Variants in PPM1E observed in about 807,000 individuals in gnomAD.
PPM1E encodes protein phosphatase, Mg2+/Mn2+ dependent 1E, also known as protein phosphatase 1E.
PPM1E carries 20 observed loss-of-function variants against 65.9 expected under a neutral mutation model. That is an observed-to-expected ratio of 0.30 (90% CI 0.21 to 0.44). The LOEUF is 0.44. Ranked by LOEUF, PPM1E falls within the 20% of genes least tolerant of loss-of-function variation. PPM1E has a pLI of 1.00. For synonymous variants in PPM1E, 352 were observed against 374.9 expected (o/e 0.94, Z 0.70); for missense variants, 713 against 953.1 (o/e 0.75, Z 3.32).
chr17:58,938,065 G>T (rs993255504), intron 1 of PPM1E, among the ~76,000 whole-genome samples: 4 of 151,930 alleles, frequency 2.6e-5, no homozygotes, highest in African/African-American at 4.8e-5. Context: ...ATTTATAGAA[G>T]GAATATATAG....
chr17:58,801,706 G>A (rs1273720999), intron 1 of PPM1E, among the ~76,000 whole-genome samples: 3 of 151,420 alleles, frequency 2.0e-5, no homozygotes, highest in Non-Finnish European at 4.4e-5. Context: ...CTCCCAAAGT[G>A]TTGGGATTAC....
chr17:58,779,504 C>T (rs1417932302), intron 1 of PPM1E, among the ~76,000 whole-genome samples: 1 of 152,034 alleles, frequency 6.6e-6, no homozygotes, highest in African/African-American at 2.4e-5. Context: ...GTATTTTATT[C>T]TTTAAAATAT....
intron 1 of PPM1E, among the ~76,000 whole-genome samples, chr17:58,809,418 G>A (rs1264297660): frequency 6.6e-6 from 1 of 151,860 alleles, no homozygotes; most frequent in East Asian, 1.9e-4. Context: ...TTTGAGATAG[G>A]GTCTTACTGT....
chr17:58,969,246 TG>T (rs2030445252), intron 3 of PPM1E, among the ~76,000 whole-genome samples: 1 of 152,098 alleles, frequency 6.6e-6, no homozygotes, highest in Non-Finnish European at 1.5e-5. Context: ...CAAATGTACG[TG>T]GGTGGTTTCC....
chr17:58,899,889 G>C lies in PPM1E; in HGVS notation c.465-55760G>C, dbSNP rs575458843. On this transcript the variant is annotated intron_variant, in intron 1 of 6. Coordinates refer to ENST00000308249, the MANE Select transcript of PPM1E (RefSeq NM_014906.5). Reference sequence around the variant, plus strand: ...TGGAAATAGCAAGATAACTAAAAGAGAGAGAATTAATAGTTCTACCCTAAA... The same window carrying C: ...TGGAAATAGCAAGATAACTAAAAGACAGAGAATTAATAGTTCTACCCTAAA... 5.3e-5 allele frequency among the ~76,000 whole-genome samples: 8 copies of C among 152,180 alleles called. No homozygotes were observed. The East Asian group carries it at 1.5e-3, about 29-fold the overall frequency.
At chr17:58,760,819 A>T (rs567087340) in intron 1 of PPM1E, among the ~76,000 whole-genome samples, 2 of 152,224 alleles carry the variant, frequency 1.3e-5, no homozygotes, top group African/African-American at 4.8e-5. Context: ...GTAATGCACT[A>T]GAAAAACTCA....
At chr17:58,782,278 T>C (rs2050057628) in intron 1 of PPM1E, among the ~76,000 whole-genome samples, 3 of 152,098 alleles carry the variant, frequency 2.0e-5, no homozygotes, top group Admixed American at 6.6e-5. Flanking sequence ...ACTTGGAAAA[T>C]TGGGAAACAT....
chr17:58,936,218 A>G (rs1325152521), intron 1 of PPM1E, among the ~76,000 whole-genome samples: 2 of 152,166 alleles, frequency 1.3e-5, no homozygotes, highest in African/African-American at 2.4e-5. Flanking sequence ...TTAATTCCAT[A>G]TAGTCCACTA....
intron 1 of PPM1E, among the ~76,000 whole-genome samples, chr17:58,816,032 T>G (rs567875210): frequency 9.9e-5 from 15 of 152,262 alleles, no homozygotes; most frequent in Middle Eastern, 3.4e-3. Flanking sequence ...TTTCTTTTTT[T>G]TTGTTTTTTT....
rs563399528 is a variant in PPM1E, at chr17:58,983,749, G to A, written c.*2718G>A. On this transcript the variant is annotated 3_prime_UTR_variant, in exon 7 of 7. Coordinates refer to ENST00000308249, the MANE Select transcript of PPM1E (RefSeq NM_014906.5). ...AAGTTCTACACTCAATCCTTAAAGAGTGGCAGTATCCCTTTTTCAATTTAA... is the reference window on the plus strand; with the variant it reads ...AAGTTCTACACTCAATCCTTAAAGAATGGCAGTATCCCTTTTTCAATTTAA... 4 of 152,648 alleles carry A rather than the reference G, an allele frequency of 2.6e-5. No individual in the cohort carries two copies. Among genetic ancestry groups the A allele is most frequent in the Non-Finnish European group, 5.9e-5 (4 of 68,036 alleles). 9.5% of individuals were successfully genotyped at this position (152,648 alleles called of 1,614,324 possible).
In PPM1E at chr17:58,882,949, T is replaced by C. The variant is rs574067263; in HGVS notation, c.465-72700T>C. Among the ~76,000 whole-genome samples, 3 of 140,548 alleles carry C rather than the reference T, an allele frequency of 2.1e-5. No homozygotes were observed. The East Asian group carries it at 6.1e-4, about 28-fold the overall frequency. 92.2% of individuals were successfully genotyped at this position (140,548 alleles called of 152,430 possible). A position where few individuals can be genotyped will look rare whatever the true frequency, so the allele number is the denominator to read the frequency against. On this transcript the variant is annotated intron_variant, in intron 1 of 6. Coordinates refer to ENST00000308249, the MANE Select transcript of PPM1E (RefSeq NM_014906.5). ...TAAGGTTTTCATTTTTGTTATTACT[T>C]TCTTTTTTTTTTTTTTTTTTTTGAG...
chr17:58,821,112 T>C (rs1032983762), intron 1 of PPM1E, among the ~76,000 whole-genome samples: 1 of 151,976 alleles, frequency 6.6e-6, no homozygotes, highest in African/African-American at 2.4e-5. Context: ...TGTTTGTTTG[T>C]TTGTTTTTGG....
chr17:58,809,991 T>G (rs2143090688), intron 1 of PPM1E, among the ~76,000 whole-genome samples: 1 of 152,308 alleles, frequency 6.6e-6, no homozygotes, highest in African/African-American at 2.4e-5. Flanking sequence ...AATATTATTT[T>G]ACCACGTAAT....
At chr17:58,865,184 C>T (rs572061116) in intron 1 of PPM1E, among the ~76,000 whole-genome samples, 113 of 151,560 alleles carry the variant, frequency 7.5e-4, no homozygotes, top group Non-Finnish European at 8.8e-4. Flanking sequence ...GGTCAGAGAT[C>T]GAGACCATCC....
At chr17:58,868,191 A>G (rs2051027066) in intron 1 of PPM1E, among the ~76,000 whole-genome samples, 1 of 152,064 alleles carries the variant, frequency 6.6e-6, no homozygotes, top group South Asian at 2.1e-4. Flanking sequence ...TCAGCCAGCC[A>G]TGGTGGTGCA....
chr17:58,822,243 T>C (rs1381742778), intron 1 of PPM1E, among the ~76,000 whole-genome samples: 1 of 152,158 alleles, frequency 6.6e-6, no homozygotes, highest in Non-Finnish European at 1.5e-5. Context: ...GAAGTACATA[T>C]GCAACTAGGA....
chr17:58,831,680 T>A (rs1170958027), intron 1 of PPM1E, among the ~76,000 whole-genome samples: 1 of 152,210 alleles, frequency 6.6e-6, no homozygotes, highest in Non-Finnish European at 1.5e-5. Context: ...AGTTCTTTGA[T>A]GAGAACCAGC....
intron 1 of PPM1E, among the ~76,000 whole-genome samples, chr17:58,947,391 C>T (rs944540037): frequency 2.1e-4 from 32 of 151,748 alleles, no homozygotes; most frequent in Admixed American, 6.6e-5. Flanking sequence ...CGTGCACCAC[C>T]ACACCCAGCT....
intron 1 of PPM1E, among the ~76,000 whole-genome samples, chr17:58,866,211 G>A (rs2051001978): frequency 1.3e-5 from 2 of 152,174 alleles, no homozygotes; most frequent in African/African-American, 2.4e-5. Flanking sequence ...TGGAGCCCTT[G>A]GATGAATAGG....
Sources: allele counts gnomAD v4.1 joint callset (sites outside exome capture counted in the v4.1 genomes callset), GRCh38; gene constraint gnomAD v4.1.1; transcripts MANE v1.5; gene names NCBI Gene and HGNC (gene_info 2026-07-23, HGNC 2026-07-21).